Variants in NRG1 observed in about 807,000 individuals in gnomAD.
The protein encoded by NRG1 is neuregulin 1.
Under a neutral mutation model 63.8 loss-of-function variants are expected in NRG1, and 18 were observed. The observed-to-expected ratio is 0.28, with a 90% confidence interval of 0.19 to 0.42. The LOEUF (loss-of-function observed/expected upper bound fraction) is 0.42. Among genes scored for constraint, NRG1 ranks in the 10% least tolerant of loss-of-function variants. The probability of loss-of-function intolerance (pLI) is 1.00; values close to 1 mark genes in which losing one functional copy is unlikely to be tolerated. For synonymous variants in NRG1, 302 were observed against 301.3 expected (o/e 1.00, Z -0.02); for missense variants, 762 against 814.7 (o/e 0.94, Z 0.79).
At chr8:32,020,830 G>A (rs931950895) in intron 1 of NRG1, among the ~76,000 whole-genome samples, 1 of 152,040 alleles carries the variant, frequency 6.6e-6, no homozygotes, top group Non-Finnish European at 1.5e-5. Flanking sequence ...TAATGCTTTA[G>A]TTTCTATTCA....
chr8:32,004,501 G>A (rs1001899589), intron 1 of NRG1, among the ~76,000 whole-genome samples: 1 of 151,552 alleles, frequency 6.6e-6, no homozygotes, highest in Admixed American at 6.6e-5. Context: ...CGGGAGGGTG[G>A]GGGCTGGGGG....
At chr8:31,960,268 C>G (rs1344504766) in intron 1 of NRG1, among the ~76,000 whole-genome samples, 1 of 152,078 alleles carries the variant, frequency 6.6e-6, no homozygotes, top group East Asian at 1.9e-4. Flanking sequence ...TGTTGTTATT[C>G]TAGGCTATCC....
intron 1 of NRG1, among the ~76,000 whole-genome samples, chr8:31,878,925 T>C (rs1418585077): frequency 6.6e-6 from 1 of 152,024 alleles, no homozygotes; most frequent in Non-Finnish European, 1.5e-5. Flanking sequence ...AGTGGCATCC[T>C]GTTGGCGGAG....
intron 1 of NRG1, among the ~76,000 whole-genome samples, chr8:32,423,997 A>T (rs1054458933): frequency 6.6e-6 from 1 of 152,166 alleles, no homozygotes; most frequent in Non-Finnish European, 1.5e-5. Flanking sequence ...CTACAAGTTT[A>T]TGTCTCCTGC....
intron 1 of NRG1, among the ~76,000 whole-genome samples, chr8:32,537,539 A>G (rs1345337148): frequency 6.6e-6 from 1 of 152,186 alleles, no homozygotes; most frequent in Non-Finnish European, 1.5e-5. Context: ...AGCTTCTTTT[A>G]ATACGGCTGG....
chr8:31,851,583 G>A (rs1827223688), intron 1 of NRG1, among the ~76,000 whole-genome samples: 1 of 151,722 alleles, frequency 6.6e-6, no homozygotes, highest in South Asian at 2.1e-4. Flanking sequence ...ATTTGATATG[G>A]GAATACATTC....
chr8:31,834,343 G>A (rs943317225), intron 1 of NRG1, among the ~76,000 whole-genome samples: 3 of 124,320 alleles, frequency 2.4e-5, no homozygotes, highest in Non-Finnish European at 5.4e-5. Context: ...ACACCAATTT[G>A]TTTAAAATAA....
At chr8:31,824,269 G>T (rs1263798207) in intron 1 of NRG1, among the ~76,000 whole-genome samples, 2 of 146,340 alleles carry the variant, frequency 1.4e-5, no homozygotes, top group African/African-American at 5.1e-5. Context: ...GTGAGAACAT[G>T]CAGTGTTTGG....
At chr8:31,765,922 T>C (rs1818011235) in intron 1 of NRG1, among the ~76,000 whole-genome samples, 1 of 152,088 alleles carries the variant, frequency 6.6e-6, no homozygotes. Flanking sequence ...ATAGAGGAAA[T>C]GCTTAGTCAA....
At chr8:32,505,706 C>T (rs1828433313) in intron 1 of NRG1, among the ~76,000 whole-genome samples, 1 of 152,184 alleles carries the variant, frequency 6.6e-6, no homozygotes, top group South Asian at 2.1e-4. Context: ...AAGTGAGGCA[C>T]CTGCAATCAC....
chr8:31,990,109 C>T (rs528262190), intron 1 of NRG1, among the ~76,000 whole-genome samples: 97 of 152,208 alleles, frequency 6.4e-4, no homozygotes, highest in Admixed American at 2.7e-3. Flanking sequence ...CATTTATTTT[C>T]ATTGTGCCCA....
At chr8:32,094,062 T>C (rs1829563004) in intron 1 of NRG1, among the ~76,000 whole-genome samples, 1 of 152,138 alleles carries the variant, frequency 6.6e-6, no homozygotes, top group African/African-American at 2.4e-5. Flanking sequence ...CTTAAAGAGA[T>C]AGGGGGTTTG....
intron 6 of NRG1, among the ~76,000 whole-genome samples, chr8:32,729,576 G>C (rs1365690827): frequency 6.6e-6 from 1 of 152,176 alleles, no homozygotes; most frequent in Admixed American, 6.5e-5. Context: ...GAACAAGTCT[G>C]TTAGAGAGGC....
intron 2 of NRG1, among the ~76,000 whole-genome samples, chr8:32,602,602 A>C (rs1588620967): frequency 6.6e-6 from 1 of 152,268 alleles, no homozygotes; most frequent in Admixed American, 6.5e-5. Context: ...TGGGGACTTA[A>C]GAAAAGCTAC....
chr8:32,553,654 C>G (rs900286174), intron 1 of NRG1, among the ~76,000 whole-genome samples: 1 of 152,086 alleles, frequency 6.6e-6, no homozygotes, highest in African/African-American at 2.4e-5. Flanking sequence ...GATGCTTAAA[C>G]CTCACTTTAT....
At chr8:31,848,599 T>A (rs2129608719) in intron 1 of NRG1, among the ~76,000 whole-genome samples, 1 of 152,314 alleles carries the variant, frequency 6.6e-6, no homozygotes, top group African/African-American at 2.4e-5. Flanking sequence ...CTTCTGTACC[T>A]ACAGCCACTC....
chr8:32,229,644 G>T (rs1167250480), intron 1 of NRG1, among the ~76,000 whole-genome samples: 1 of 152,026 alleles, frequency 6.6e-6, no homozygotes, highest in Non-Finnish European at 1.5e-5. Flanking sequence ...CAACAAAAGA[G>T]AAAAAACAGA....
chr8:32,291,533 CTTT>C lies in NRG1; in HGVS notation c.38-304274_38-304272del, dbSNP rs757839225. Among the ~76,000 whole-genome samples, 38 of 98,030 alleles carry C rather than the reference CTTT, an allele frequency of 3.9e-4. No homozygotes were observed. In the East Asian group the frequency reaches 4.7e-3, roughly 12 times the overall value. The allele number at this position is 98,030 out of a possible 152,430, so 64.3% of individuals were successfully genotyped here. On this transcript the variant is annotated intron_variant, in intron 1 of 10. Coordinates refer to the NRG1 transcript ENST00000519301. Reference sequence around the variant, plus strand: ...AAGTCCTTGTACAAATTTTTATCCACTTTTTTTTTTTTTTTTTTTTTTTGAGAC... The same window carrying C: ...AAGTCCTTGTACAAATTTTTATCCACTTTTTTTTTTTTTTTTTTTTGAGAC...
At chr8:32,104,735 C>T (rs1585319703) in intron 1 of NRG1, among the ~76,000 whole-genome samples, 1 of 151,874 alleles carries the variant, frequency 6.6e-6, no homozygotes, top group African/African-American at 2.4e-5. Flanking sequence ...CACACATTAG[C>T]CTAGGCCCAC....
Sources: gnomAD v4.1 joint callset for allele counts (sites outside exome capture counted in the v4.1 genomes callset) on GRCh38, gnomAD v4.1.1 for gene constraint, MANE v1.5 for transcripts, NCBI Gene and HGNC (gene_info 2026-07-23, HGNC 2026-07-21) for gene names.